RHEBL1: variants seen among roughly 807,000 people sequenced by gnomAD.
RHEBL1 encodes GTPase RhebL1.
Under a neutral mutation model 27.4 loss-of-function variants are expected in RHEBL1, and 22 were observed. The observed-to-expected ratio is 0.80, with a 90% confidence interval of 0.57 to 1.15. The LOEUF is 1.15. Ranked by LOEUF, RHEBL1 falls within the 50% of genes most tolerant of loss-of-function variation. The pLI is 0.00. For synonymous variants in RHEBL1, 85 were observed against 80.8 expected, an observed-to-expected ratio of 1.05 and a Z score of -0.28; for missense variants, 186 against 226.5, an observed-to-expected ratio of 0.82 and a Z score of 1.15.
In RHEBL1 at chr12:49,069,834, C is replaced by T. The variant is rs951728725; in HGVS notation, c.-49G>A. 3.2e-6 allele frequency: 5 copies of T among 1,559,454 alleles called. No homozygotes were observed. Among genetic ancestry groups the T allele is most frequent in the Non-Finnish European group, 4.4e-6 (5 of 1,132,158 alleles). ...TGCGGAACTGCGGGCTCAGAGAGCC[C>T]GAAAACGAGGTCAGGGTGTGAGCAG... On this transcript the variant is annotated 5_prime_UTR_variant, in exon 1 of 8. Coordinates refer to ENST00000301068, the MANE Select transcript of RHEBL1 (RefSeq NM_144593.3).
chr12:49,065,874 G>A (rs558094795), intron 6 of RHEBL1, among the ~76,000 whole-genome samples: 2 of 150,628 alleles, frequency 1.3e-5, no homozygotes, highest in East Asian at 2.0e-4. Flanking sequence ...GCAGTGAGCC[G>A]AGATCACACC....
chr12:49,068,316 A>G (rs1939031734), intron 2 of RHEBL1, among the ~76,000 whole-genome samples: 1 of 151,026 alleles, frequency 6.6e-6, no homozygotes, highest in Non-Finnish European at 1.5e-5. Context: ...TTTTTAGTAG[A>G]GACGGGGTTT....
chr12:49,067,960 C>G (rs1268603496), intron 2 of RHEBL1, among the ~76,000 whole-genome samples: 1 of 151,930 alleles, frequency 6.6e-6, no homozygotes, highest in Non-Finnish European at 1.5e-5. Flanking sequence ...CATTTGAATT[C>G]TTCTCTTCTA....
chr12:49,069,805 G>A lies in RHEBL1; in HGVS notation c.-20C>T, dbSNP rs749217483. 2.5e-6 allele frequency: 4 copies of A among 1,612,828 alleles called. No individual in the cohort carries two copies. The highest frequency in any genetic ancestry group is 1.7e-4 in the Middle Eastern group (1 of 6,056). Reference sequence around the variant, plus strand: ...CGGCATGGCAGGAGCCCGCCCCAGGGGCTTGCGGAACTGCGGGCTCAGAGA... The same window carrying A: ...CGGCATGGCAGGAGCCCGCCCCAGGAGCTTGCGGAACTGCGGGCTCAGAGA... On this transcript the variant is annotated 5_prime_UTR_variant, in exon 1 of 8. Transcript: ENST00000301068.
Position 49,066,253 on chromosome 12 carries a change from T to C in RHEBL1, c.358A>G (p.Lys120Glu), listed in dbSNP as rs990486615. Residue 120 changes from lysine (K) to glutamate (E), a missense_variant, in exon 6 of 8, where the codon AAG becomes GAG. By Grantham distance (56) the Lys-to-Glu change is moderately conservative. Transcript: ENST00000301068. ...TACCTCTCTGGAGAGAGATCTGCCT[T>C]GTTCCCCACTAGAACCACTGGCACC... ...TRVPVVLVGN[K>E]ADLSPEREVQ... 3.1e-6 allele frequency: 5 copies of C among 1,613,952 alleles called. No individual in the cohort carries two copies. In the African/African-American group the frequency reaches 4.0e-5, roughly 13 times the overall value.
At chr12:49,066,807 G>T (rs922612485) in intron 3 of RHEBL1, 106 bp from the exon 4 acceptor site, 2 of 1,162,930 alleles carry the variant, frequency 1.7e-6, no homozygotes, top group South Asian at 1.3e-5. Context: ...CCCTACTATA[G>T]TCACTTCAAC....
At position 49,066,476 on chromosome 12, in the gene RHEBL1, C is replaced by T. The variant is rs148047837; in HGVS notation, c.332G>A (p.Arg111Gln). The change falls in exon 5 of 8, where the codon CGG (arginine) becomes CAG (glutamine). Residue 111 changes from arginine to glutamine, a missense_variant and splice_region_variant. Around this residue, in one of 3 missense-constraint regions of RHEBL1, gnomAD observed 90 missense variants for 95.2 expected, o/e 0.95. Transcript: ENST00000301068. Reference sequence around the variant, plus strand: ...GTCCCTATCCCCCAGGGCCACTTACCGGGTTTTCCCATGGCCTTCATGTAG... The same window carrying T: ...GTCCCTATCCCCCAGGGCCACTTACTGGGTTTTCCCATGGCCTTCATGTAG... ...QKLHEGHGKT[R>Q]VPVVLVGNKA... The T allele has an allele frequency of 5.6e-6, 9 of 1,613,922 alleles. No homozygotes were observed. The highest frequency in any genetic ancestry group is 5.3e-5 in the African/African-American group (4 of 74,918).
chr12:49,069,251 T>G lies in RHEBL1; in HGVS notation c.53-145A>C, dbSNP rs1473227903. 3 of 1,396,050 alleles carry G rather than the reference T, an allele frequency of 2.1e-6. No homozygotes were observed. In the African/African-American group the frequency reaches 4.3e-5, roughly 20 times the overall value. The allele number at this position is 1,396,050 out of a possible 1,614,324, so 86.5% of individuals were successfully genotyped here. On this transcript the variant is annotated intron_variant, in intron 1 of 7. Coordinates refer to ENST00000301068, the MANE Select transcript of RHEBL1 (RefSeq NM_144593.3). Reference sequence around the variant, plus strand: ...GCCTCAAGCAATGCTATCCTTTGTGTCTACCCTCACCCTCTTTTCACCCAG... The same window carrying G: ...GCCTCAAGCAATGCTATCCTTTGTGGCTACCCTCACCCTCTTTTCACCCAG...
chr12:49,068,122 C>CTTTTTTTTTTTTTTTTTTTTTTTT (rs56250975), intron 2 of RHEBL1, among the ~76,000 whole-genome samples: 1 of 144,926 alleles, frequency 6.9e-6, no homozygotes, highest in African/African-American at 2.5e-5. Flanking sequence ...TCTTTTTATT[C>CTTTTTTTTTTTTTTTTTTTTTTTT]TTTTTTTTTT....
At chr12:49,067,966 T>G (rs1225496427) in intron 2 of RHEBL1, among the ~76,000 whole-genome samples, 1 of 152,182 alleles carries the variant, frequency 6.6e-6, no homozygotes, top group East Asian at 1.9e-4. Flanking sequence ...AATTCTTCTC[T>G]TCTAGCTATT....
chr12:49,069,203 A>T (rs1411675542), intron 1 of RHEBL1, 97 bp from the exon 2 acceptor site: 1 of 1,599,804 alleles, frequency 6.3e-7, no homozygotes, highest in Non-Finnish European at 8.5e-7. Context: ...GGAGACCCCA[A>T]ATTAACACCA....
At chr12:49,067,589 G>A (rs1158085207) in intron 2 of RHEBL1, among the ~76,000 whole-genome samples, 5 of 152,006 alleles carry the variant, frequency 3.3e-5, no homozygotes, top group East Asian at 3.9e-4. Context: ...GACCAGCCTG[G>A]CCAACATGGT....
chr12:49,066,858 T>C, intron 3 of RHEBL1, 110 bp downstream of exon 3: 4 of 1,094,770 alleles, frequency 3.7e-6, no homozygotes, highest in Non-Finnish European at 2.8e-6. Flanking sequence ...TGCATACTGT[T>C]AGCAGGTAAA....
At chr12:49,065,833 G>A (rs1289206392) in intron 6 of RHEBL1, among the ~76,000 whole-genome samples, 1 of 152,000 alleles carries the variant, frequency 6.6e-6, no homozygotes, top group Non-Finnish European at 1.5e-5. Flanking sequence ...GCTGAGGCAG[G>A]AGACTCGCTT....
chr12:49,065,081 C>G lies in RHEBL1; in HGVS notation c.*22G>C. On this transcript the variant is annotated 3_prime_UTR_variant, in exon 8 of 8. Transcript: ENST00000301068. ...GCAAGTGCCGGGGGCAGAAGCAAGG[C>G]AGTTACCCCACACCCAAGGGCTCAC... 1 of 1,576,636 alleles carries G rather than the reference C, an allele frequency of 6.3e-7. No homozygotes were observed. Among genetic ancestry groups the G allele is most frequent in the Non-Finnish European group, 8.7e-7 (1 of 1,145,966 alleles).
In RHEBL1 at chr12:49,065,355, T is replaced by C; in HGVS notation, c.457A>G (p.Asn153Asp). 1 of 1,613,940 alleles carries C rather than the reference T, an allele frequency of 6.2e-7. No individual in the cohort carries two copies. The highest frequency in any genetic ancestry group is 1.1e-5 in the South Asian group (1 of 91,076). Residue 153 changes from asparagine (N) to aspartate (D), a missense_variant, in exon 7 of 8, where the codon AAT becomes GAT. By Grantham distance (23) the Asn-to-Asp change is conservative. Around this residue, in one of 3 missense-constraint regions of RHEBL1, gnomAD observed 90 missense variants for 95.2 expected, o/e 0.95. Transcript: ENST00000301068. ...ATFMESSARE[N>D]QLTQGIFTKV... ...CTAGTCTTCAGGCCCAGCACCTGAT[T>C]CTCTCGAGCAGATGACTCCATAAAT...
At chr12:49,069,303 C>T in intron 1 of RHEBL1, 197 bp from the exon 2 acceptor site, 1 of 843,564 alleles carries the variant, frequency 1.2e-6, no homozygotes, top group Non-Finnish European at 1.8e-6. Context: ...CTACCGGATG[C>T]ATTCAGAAGC....
intron 6 of RHEBL1, among the ~76,000 whole-genome samples, chr12:49,065,745 G>C (rs1938986321): frequency 6.6e-6 from 1 of 152,084 alleles, no homozygotes; most frequent in Non-Finnish European, 1.5e-5. Flanking sequence ...CTAACATGGT[G>C]AAACCCCGTC....
At chr12:49,069,485 C>T (rs1349572248) in intron 1 of RHEBL1, among the ~76,000 whole-genome samples, 1 of 129,408 alleles carries the variant, frequency 7.7e-6, no homozygotes, top group Non-Finnish European at 1.8e-5. Flanking sequence ...CAAAGTAACG[C>T]TGGGACCACT....
Sources: allele counts gnomAD v4.1 joint callset (sites outside exome capture counted in the v4.1 genomes callset), GRCh38; gene constraint gnomAD v4.1.1; regional missense constraint gnomAD v4.1.1; transcripts MANE v1.5; gene names NCBI Gene and HGNC (gene_info 2026-07-23, HGNC 2026-07-21).